Variants in BABAM1 observed in about 807,000 individuals in gnomAD.
BABAM1 encodes BRISC and BRCA1-A complex member 1.
Under a neutral mutation model 34.4 loss-of-function variants are expected in BABAM1, and 14 were observed. The observed-to-expected ratio is 0.41, with a 90% CI of 0.27 to 0.64. The LOEUF is 0.64. Ranked by LOEUF, BABAM1 falls within the 30% of genes least tolerant of loss-of-function variation. BABAM1 has a pLI of 0.34. For synonymous variants in BABAM1, 169 were observed against 165.8 expected, an observed-to-expected ratio of 1.02 and a Z score of -0.15; for missense variants, 393 against 434.0, an observed-to-expected ratio of 0.91 and a Z score of 0.84.
chr19:17,268,937 G>C lies in BABAM1; in HGVS notation c.131G>C (p.Ser44Thr). Residue 44 changes from serine (S) to threonine (T), a missense_variant, in exon 2 of 9, where the codon AGC becomes ACC. Coordinates refer to ENST00000598188, the MANE Select transcript of BABAM1 (RefSeq NM_014173.4). Reference protein sequence around the residue: ...AEDRAVGAQASVGSRSEGEGE... With the variant: ...AEDRAVGAQATVGSRSEGEGE... ...GACCGGGCAGTAGGGGCACAGGCCA[G>C]CGTGGGCAGCCGCAGCGAGGGTGAG... 6.3e-7 allele frequency: 1 copy of C among 1,576,176 alleles called. No individual in the cohort carries two copies. The highest frequency in any genetic ancestry group is 8.6e-7 in the Non-Finnish European group (1 of 1,162,210).
intron 8 of BABAM1, among the ~76,000 whole-genome samples, chr19:17,277,880 A>G (rs1020512631): frequency 1.3e-5 from 2 of 152,032 alleles, no homozygotes; most frequent in African/African-American, 2.4e-5. Flanking sequence ...ACCCTGTGTC[A>G]AAAAATAAAA....
intron 3 of BABAM1, among the ~76,000 whole-genome samples, chr19:17,272,732 AAAG>A (rs1419644411): frequency 1.3e-5 from 2 of 151,822 alleles, no homozygotes; most frequent in Non-Finnish European, 2.9e-5. Flanking sequence ...AAAAAGGAAA[AAAG>A]AAGCCGGGCT....
At chr19:17,278,097 C>T (rs1187191130) in intron 8 of BABAM1, among the ~76,000 whole-genome samples, 2 of 150,664 alleles carry the variant, frequency 1.3e-5, no homozygotes, top group African/African-American at 2.4e-5. Flanking sequence ...TCGCTTGAAC[C>T]CGGGAGGCAG....
At position 17,276,535 on chromosome 19, in the gene BABAM1, A is replaced by T. The variant is rs1478335310; in HGVS notation, c.610A>T (p.Thr204Ser). 3.8e-6 allele frequency: 6 copies of T among 1,593,730 alleles called. No individual in the cohort carries two copies. The South Asian group carries it at 6.8e-5, about 18-fold the overall frequency. Residue 204 changes from threonine to serine, a missense_variant, in exon 7 of 9, where the codon ACG (threonine) becomes TCG (serine). Physicochemically the swap from Thr to Ser is moderately conservative, Grantham distance 58 (BLOSUM62 1). Transcript: ENST00000598188. ...GCTTCCGGTCACAGAGAACGTGCAG[A>T]CGATTCCCCCGCCATATGTGGTCCG... ...TELPVTENVQTIPPPYVVRTI... is the reference protein window; with the variant it reads ...TELPVTENVQSIPPPYVVRTI...
intron 3 of BABAM1, 42 bp from the exon 4 acceptor site, chr19:17,273,862 C>A: frequency 6.4e-7 from 1 of 1,559,096 alleles, no homozygotes; most frequent in South Asian, 1.2e-5. Context: ...TGTGCCCGGC[C>A]CTGAGGGAAC....
At chr19:17,275,969 G>T (rs969076738) in intron 6 of BABAM1, 144 bp downstream of exon 6, 1 of 930,560 alleles carries the variant, frequency 1.1e-6, no homozygotes, top group East Asian at 2.5e-5. Context: ...CCTCATTTAT[G>T]TGTGTCTTGG....
chr19:17,268,918 G>C lies in BABAM1; in HGVS notation c.112G>C (p.Ala38Pro), dbSNP rs2073803638. The C allele has an allele frequency of 6.3e-7, 1 of 1,579,734 alleles. No homozygotes were observed. Among genetic ancestry groups the C allele is most frequent in the Admixed American group, 1.8e-5 (1 of 54,142 alleles). Residue 38 changes from alanine to proline, a missense_variant, in exon 2 of 9, where the codon GCA becomes CCA. Transcript: ENST00000598188. ...CAATCCTGAAGGGGCTGAGGACCGG[G>C]CAGTAGGGGCACAGGCCAGCGTGGG... ...RSNPEGAEDRAVGAQASVGSR... is the reference protein window; with the variant it reads ...RSNPEGAEDRPVGAQASVGSR...
At chr19:17,276,451 C>A (rs1230257119) in intron 6 of BABAM1, 44 bp from the exon 7 acceptor site, 7 of 1,565,360 alleles carry the variant, frequency 4.5e-6, no homozygotes, top group Admixed American at 3.8e-5. Context: ...GAGGGGCAGA[C>A]CCCCACAGGC....
At chr19:17,277,067 T>C in intron 8 of BABAM1, 158 bp downstream of exon 8, 1 of 681,562 alleles carries the variant, frequency 1.5e-6, no homozygotes, top group Middle Eastern at 4.1e-4. Flanking sequence ...CGTTTCCCAG[T>C]TGTCTGCTGT....
intron 3 of BABAM1, among the ~76,000 whole-genome samples, 157 bp from the exon 4 acceptor site, chr19:17,273,747 T>C (rs1252808260): frequency 6.6e-6 from 1 of 151,790 alleles, no homozygotes. Flanking sequence ...GTATTTTTAG[T>C]AGAGATGGGG....
intron 2 of BABAM1, among the ~76,000 whole-genome samples, chr19:17,270,267 C>T (rs895433759): frequency 6.6e-6 from 1 of 152,136 alleles, no homozygotes; most frequent in Non-Finnish European, 1.5e-5. Context: ...CCAGGATGGT[C>T]TCCATCTCCT....
At chr19:17,278,123 G>A (rs745418497) in intron 8 of BABAM1, among the ~76,000 whole-genome samples, 4 of 151,742 alleles carry the variant, frequency 2.6e-5, no homozygotes, top group Non-Finnish European at 4.4e-5. Flanking sequence ...GCGGTGAGCC[G>A]AGATCGTGCC....
At chr19:17,269,130 G>T in intron 2 of BABAM1, 39 bp downstream of exon 2, 1 of 1,530,270 alleles carries the variant, frequency 6.5e-7, no homozygotes. Flanking sequence ...GAGATGCTAG[G>T]GAACCTAGCA....
intron 2 of BABAM1, 139 bp downstream of exon 2, chr19:17,269,230 A>G (rs1476855641): frequency 2.6e-6 from 3 of 1,143,234 alleles, no homozygotes; most frequent in Admixed American, 3.1e-5. Flanking sequence ...GTAGCTTTCA[A>G]CAAGAGAAAT....
At chr19:17,277,997 A>AGTAGAGACC (rs2073930786) in intron 8 of BABAM1, among the ~76,000 whole-genome samples, 1 of 151,630 alleles carries the variant, frequency 6.6e-6, no homozygotes, top group African/African-American at 2.4e-5. Context: ...CAACATGGAG[A>AGTAGAGACC]AACCCTGTCT....
chr19:17,269,059 C>G lies in BABAM1; in HGVS notation c.253C>G (p.Arg85Gly). The part of the protein sequence containing the change: ...VPPPAPEVQI[R>G]TPRVNCPEKV... Reference sequence around the variant, plus strand: ...CCCGCCAGCCCCTGAGGTCCAAATTCGGACACCAAGGGTCAACTGTCCAGA... The same window carrying G: ...CCCGCCAGCCCCTGAGGTCCAAATTGGGACACCAAGGGTCAACTGTCCAGA... The change falls in exon 2 of 9, where the codon CGG becomes GGG. Residue 85 changes from arginine to glycine, a missense_variant. Physicochemically the swap from Arg to Gly is moderately radical, Grantham distance 125. Transcript: ENST00000598188. 5 of 1,606,520 alleles carry G rather than the reference C, an allele frequency of 3.1e-6. No individual in the cohort carries two copies. Among genetic ancestry groups the G allele is most frequent in the Non-Finnish European group, 3.4e-6 (4 of 1,176,952 alleles).
At position 17,268,840 on chromosome 19, in the gene BABAM1, G is replaced by A; in HGVS notation, c.34G>A (p.Glu12Lys). The stretch of plus-strand genomic sequence containing the variant: ...GGCAGAGCCCAGCAGCCCCACTGAA[G>A]AGGAGGAGGAGGAAGAGGAGCACTC... ...EVAEPSSPTEEEEEEEEHSAE... is the reference protein window; with the variant it reads ...EVAEPSSPTEKEEEEEEHSAE... The change falls in exon 2 of 9, where the codon GAG becomes AAG. Residue 12 changes from glutamate (E) to lysine (K), a missense_variant. Physicochemically the swap from Glu to Lys is moderately conservative, Grantham distance 56. Transcript: ENST00000598188. 1.9e-6 allele frequency: 3 copies of A among 1,607,800 alleles called. No individual in the cohort carries two copies. Among genetic ancestry groups the A allele is most frequent in the South Asian group, 2.2e-5 (2 of 90,168 alleles).
At chr19:17,273,555 G>GTTTTTTTT (rs1555716572) in intron 3 of BABAM1, among the ~76,000 whole-genome samples, 1 of 13,228 alleles carries the variant, frequency 7.6e-5, no homozygotes. Flanking sequence ...GTTTTTTTTT[G>GTTTTTTTT]TTTGTTTTGT....
chr19:17,274,383 G>C (rs2073883475), intron 5 of BABAM1, 198 bp downstream of exon 5: 3 of 654,688 alleles, frequency 4.6e-6, no homozygotes, highest in Admixed American at 5.8e-5. Flanking sequence ...ACCCCATGGA[G>C]ATGCTGTAAC....
Sources: allele counts gnomAD v4.1 joint callset (sites outside exome capture counted in the v4.1 genomes callset), GRCh38; gene constraint gnomAD v4.1.1; transcripts MANE v1.5; gene names NCBI Gene and HGNC (gene_info 2026-07-23, HGNC 2026-07-21).